Variants in MGAT4C observed in about 807,000 individuals in gnomAD.
MGAT4C encodes the protein alpha-1,3-mannosyl-glycoprotein 4-beta-N-acetylglucosaminyltransferase C.
A neutral mutation model predicts 40.1 loss-of-function variants in MGAT4C; 19 were observed. The ratio of observed to expected loss-of-function variants is 0.47; its 90% confidence interval spans 0.33 to 0.70. The LOEUF (loss-of-function observed/expected upper bound fraction) is 0.70. Ranked by LOEUF, MGAT4C falls within the 30% of genes least tolerant of loss-of-function variation. The pLI, the probability that MGAT4C is intolerant of heterozygous loss-of-function variation, is 0.02. For missense variants in MGAT4C, 491 were observed against 563.2 expected, an observed-to-expected ratio of 0.87 and a Z score of 1.30; for synonymous variants, 181 against 187.1, an observed-to-expected ratio of 0.97 and a Z score of 0.27.
chr12:86,680,888 A>C (rs1290633941), intron 2 of MGAT4C, among the ~76,000 whole-genome samples: 1 of 151,968 alleles, frequency 6.6e-6, no homozygotes, highest in African/African-American at 2.4e-5. Flanking sequence ...TGAATCCAAT[A>C]ATCAGGAACA....
At chr12:86,318,871 T>C (rs1954307892) in intron 4 of MGAT4C, among the ~76,000 whole-genome samples, 1 of 152,188 alleles carries the variant, frequency 6.6e-6, no homozygotes, top group Non-Finnish European at 1.5e-5. Flanking sequence ...TCTCAAGAGG[T>C]GAGACTTCCA....
At chr12:86,774,923 C>T (rs914183050) in intron 1 of MGAT4C, among the ~76,000 whole-genome samples, 1 of 152,054 alleles carries the variant, frequency 6.6e-6, no homozygotes, top group Non-Finnish European at 1.5e-5. Context: ...AGAGAACTAT[C>T]TGAGAGAAAA....
At chr12:86,775,848 A>AAT (rs35313350) in intron 1 of MGAT4C, among the ~76,000 whole-genome samples, 58,005 of 149,834 alleles carry the variant, frequency 0.39, 11,350 homozygotes, top group East Asian at 0.47. Context: ...TTTACCCTGA[A>AAT]ATATATATAT....
intron 1 of MGAT4C, among the ~76,000 whole-genome samples, chr12:86,073,432 G>T (rs896438701): frequency 6.6e-6 from 1 of 152,214 alleles, no homozygotes; most frequent in Admixed American, 6.5e-5. Context: ...CTTTGGAACT[G>T]GGTAACAGGT....
intron 1 of MGAT4C, among the ~76,000 whole-genome samples, chr12:86,170,737 G>A (rs1886734893): frequency 6.6e-6 from 1 of 151,196 alleles, no homozygotes; most frequent in African/African-American, 2.4e-5. Context: ...TGGATTGCTT[G>A]TGCTCAGGAG....
chr12:86,268,888 G>T (rs907700132), intron 4 of MGAT4C, among the ~76,000 whole-genome samples: 1 of 142,500 alleles, frequency 7.0e-6, no homozygotes, highest in Middle Eastern at 3.9e-3. Flanking sequence ...AAAAAGAAAG[G>T]GTGTTTTTTT....
At chr12:86,349,288 C>A (rs1277618224) in intron 3 of MGAT4C, among the ~76,000 whole-genome samples, 2 of 152,096 alleles carry the variant, frequency 1.3e-5, no homozygotes, top group Non-Finnish European at 2.9e-5. Context: ...TGAACCAGGG[C>A]AGATCATTTT....
chr12:85,990,339 A>T (rs7314096), intron 2 of MGAT4C, among the ~76,000 whole-genome samples: 1 of 152,176 alleles, frequency 6.6e-6, no homozygotes, highest in Non-Finnish European at 1.5e-5. Flanking sequence ...TACATTATTC[A>T]TTATTTTATA....
chr12:86,170,749 T>C (rs1409801695), intron 1 of MGAT4C, among the ~76,000 whole-genome samples: 2 of 148,352 alleles, frequency 1.3e-5, no homozygotes, highest in Admixed American at 1.3e-4. Flanking sequence ...GCTCAGGAGG[T>C]TGAAACCAGC....
intron 3 of MGAT4C, among the ~76,000 whole-genome samples, chr12:86,345,932 T>A (rs1955022124): frequency 6.6e-6 from 1 of 152,224 alleles, no homozygotes; most frequent in Non-Finnish European, 1.5e-5. Flanking sequence ...CCTGACTTTT[T>A]AATGATCGCC....
chr12:86,377,881 C>T (rs1955859971), intron 3 of MGAT4C, among the ~76,000 whole-genome samples: 1 of 152,080 alleles, frequency 6.6e-6, no homozygotes, highest in Non-Finnish European at 1.5e-5. Flanking sequence ...GGCCCCAAGT[C>T]CCTGGCAACC....
intron 1 of MGAT4C, among the ~76,000 whole-genome samples, chr12:86,186,256 C>T (rs957618129): frequency 6.6e-6 from 1 of 152,046 alleles, no homozygotes; most frequent in Non-Finnish European, 1.5e-5. Flanking sequence ...AGCACAAATG[C>T]AGGTATTATA....
intron 2 of MGAT4C, among the ~76,000 whole-genome samples, chr12:86,009,499 A>G (rs781355072): frequency 6.6e-5 from 10 of 152,138 alleles, no homozygotes; most frequent in Non-Finnish European, 1.2e-4. Context: ...AACTCAGAGA[A>G]ATCAGTTGTG....
At chr12:86,437,106 C>T (rs1957150761) in intron 2 of MGAT4C, among the ~76,000 whole-genome samples, 1 of 151,132 alleles carries the variant, frequency 6.6e-6, no homozygotes, top group Non-Finnish European at 1.5e-5. Context: ...CAAAAAAATC[C>T]CTAAGATATC....
At chr12:86,772,194 T>A (rs1457817954) in intron 1 of MGAT4C, among the ~76,000 whole-genome samples, 1 of 152,126 alleles carries the variant, frequency 6.6e-6, no homozygotes, top group Non-Finnish European at 1.5e-5. Context: ...GGATTGAAGA[T>A]GTGGTTATCC....
intron 2 of MGAT4C, among the ~76,000 whole-genome samples, chr12:86,517,545 C>G (rs1958715056): frequency 1.3e-5 from 2 of 152,324 alleles, no homozygotes; most frequent in African/African-American, 2.4e-5. Flanking sequence ...TATAATGAGG[C>G]TCCTGGGAAA....
chr12:86,180,410 T>C (rs1332453978), intron 1 of MGAT4C, among the ~76,000 whole-genome samples: 7 of 152,120 alleles, frequency 4.6e-5, no homozygotes, highest in Non-Finnish European at 1.0e-4. Flanking sequence ...AAGAAGAAGA[T>C]GCCACTATCC....
chr12:86,540,740 AAG>A (rs964677938), intron 2 of MGAT4C, among the ~76,000 whole-genome samples: 8 of 150,374 alleles, frequency 5.3e-5, no homozygotes, highest in African/African-American at 1.7e-4. Context: ...CATCTCCAGA[AAG>A]AGAGAGAGAG....
At chr12:86,467,562 G>C (rs1006800086) in intron 2 of MGAT4C, among the ~76,000 whole-genome samples, 1 of 152,026 alleles carries the variant, frequency 6.6e-6, no homozygotes, top group African/African-American at 2.4e-5. Context: ...TTCAGGAGTT[G>C]CTTTTTTTAT....
Sources: gnomAD v4.1 joint callset for allele counts (sites outside exome capture counted in the v4.1 genomes callset) on GRCh38, gnomAD v4.1.1 for gene constraint, MANE v1.5 for transcripts, NCBI Gene and HGNC (gene_info 2026-07-23, HGNC 2026-07-21) for gene names.